The following DENND6A variants were observed in gnomAD, a reference collection of about 807,000 sequenced individuals.
DENND6A encodes protein DENND6A.
A neutral mutation model predicts 95.5 loss-of-function variants in DENND6A; 43 were observed. That is an observed-to-expected ratio of 0.45 (90% confidence interval 0.35 to 0.58). DENND6A has a LOEUF of 0.58. Among genes scored for constraint, DENND6A ranks in the 20% least tolerant of loss-of-function variants. DENND6A has a pLI of 0.00. For missense variants in DENND6A, 574 were observed against 736.0 expected, an observed-to-expected ratio of 0.78 and a Z score of 2.55; for synonymous variants, 257 against 260.4, an observed-to-expected ratio of 0.99 and a Z score of 0.13.
chr3:57,650,119 G>A (rs1333672408), intron 9 of DENND6A, among the ~76,000 whole-genome samples: 2 of 151,996 alleles, frequency 1.3e-5, no homozygotes, highest in Non-Finnish European at 2.9e-5. Context: ...ATGATACTAT[G>A]AACTTTGGGA....
At chr3:57,675,341 C>G (rs2071691698) in intron 1 of DENND6A, among the ~76,000 whole-genome samples, 1 of 152,184 alleles carries the variant, frequency 6.6e-6, no homozygotes, top group South Asian at 2.1e-4. Flanking sequence ...CTTACTGAGT[C>G]TTCTTTGGTA....
At chr3:57,672,363 A>G (rs1007020479) in intron 2 of DENND6A, 37 bp downstream of exon 2, 3 of 1,611,354 alleles carry the variant, frequency 1.9e-6, no homozygotes, top group South Asian at 2.2e-5. Flanking sequence ...AAACAGAAAT[A>G]TAACAGTAAA....
At chr3:57,684,698 G>A (rs571119065) in intron 1 of DENND6A, among the ~76,000 whole-genome samples, 168 of 152,260 alleles carry the variant, frequency 1.1e-3, no homozygotes, top group African/African-American at 3.4e-3. Flanking sequence ...TGAGAGAATT[G>A]CTTGAGCCTG....
chr3:57,628,725 G>T, intron 19 of DENND6A, 86 bp downstream of exon 19: 2 of 1,369,482 alleles, frequency 1.5e-6, no homozygotes, highest in Non-Finnish European at 2.0e-6. Context: ...TTACTTCTGC[G>T]AACTATCATG....
rs2153418086 is a variant in DENND6A, at chr3:57,693,045, C to T, written c.-27G>A. On this transcript the variant is annotated 5_prime_UTR_variant, in exon 1 of 20. Coordinates refer to ENST00000311128, the MANE Select transcript of DENND6A (RefSeq NM_152678.3). ...GGCCGCCCCCTGACCGTTCGCGCCGCCTCCACAGCGGACCGCGCCGCAGAG... is the reference window on the plus strand; with the variant it reads ...GGCCGCCCCCTGACCGTTCGCGCCGTCTCCACAGCGGACCGCGCCGCAGAG... 2 of 1,373,514 alleles carry T rather than the reference C, an allele frequency of 1.5e-6. No homozygotes were observed. The highest frequency in any genetic ancestry group is 1.5e-5 in the African/African-American group (1 of 65,516). The allele number at this position is 1,373,514 out of a possible 1,614,324, so 85.1% of individuals were successfully genotyped here.
intron 4 of DENND6A, 33 bp from the exon 5 acceptor site, chr3:57,663,749 G>A (rs190349620): frequency 8.4e-5 from 113 of 1,340,518 alleles, no homozygotes; most frequent in Non-Finnish European, 1.2e-4. Context: ...GTGTGTGTGG[G>A]GGGGTACATA....
At chr3:57,670,255 C>A (rs369194098) in intron 3 of DENND6A, among the ~76,000 whole-genome samples, 1 of 151,762 alleles carries the variant, frequency 6.6e-6, no homozygotes, top group South Asian at 2.1e-4. Context: ...AACAGATTAA[C>A]GAGAAAAGAT....
chr3:57,643,006 C>CA (rs35913249), intron 11 of DENND6A, among the ~76,000 whole-genome samples: 50,275 of 104,200 alleles, frequency 0.48, 10,145 homozygotes, highest in South Asian at 0.6. Context: ...GACTTCATCT[C>CA]AAAAAAAAAA....
intron 18 of DENND6A, among the ~76,000 whole-genome samples, chr3:57,629,284 C>T (rs1288109960): frequency 6.6e-6 from 1 of 152,114 alleles, no homozygotes. Flanking sequence ...TTCGTGTTTT[C>T]GGATATGCTC....
At chr3:57,638,574 C>T (rs1367107668) in intron 12 of DENND6A, among the ~76,000 whole-genome samples, 1 of 152,014 alleles carries the variant, frequency 6.6e-6, no homozygotes, top group Non-Finnish European at 1.5e-5. Context: ...AGGAGAATTG[C>T]TTGAACCCGG....
chr3:57,633,174 A>G (rs2070722846), intron 15 of DENND6A, 91 bp downstream of exon 15: 2 of 1,097,224 alleles, frequency 1.8e-6, no homozygotes, highest in Non-Finnish European at 2.7e-6. Context: ...CAAAACACAC[A>G]ACTTAAGATA....
intron 19 of DENND6A, among the ~76,000 whole-genome samples, 198 bp downstream of exon 19, chr3:57,628,613 C>T (rs537712884): frequency 1.8e-4 from 28 of 152,218 alleles, no homozygotes; most frequent in African/African-American, 6.7e-4. Context: ...ATATACATAA[C>T]GTTAGAATAA....
At chr3:57,645,184 C>T (rs1045530666) in intron 11 of DENND6A, among the ~76,000 whole-genome samples, 1 of 152,038 alleles carries the variant, frequency 6.6e-6, no homozygotes, top group Admixed American at 6.6e-5. Flanking sequence ...TCACGTGGGC[C>T]GGGTGTGGTG....
At chr3:57,657,852 C>T (rs2071357233) in intron 8 of DENND6A, 117 bp from the exon 9 acceptor site, 2 of 603,796 alleles carry the variant, frequency 3.3e-6, no homozygotes, top group Admixed American at 6.6e-5. Flanking sequence ...TTAAGATTCT[C>T]TTCCTTTAGG....
chr3:57,680,354 G>C (rs940580712), intron 1 of DENND6A, among the ~76,000 whole-genome samples: 1 of 152,228 alleles, frequency 6.6e-6, no homozygotes, highest in Non-Finnish European at 1.5e-5. Flanking sequence ...GGTGATAGCG[G>C]TATTAGGAGG....
At chr3:57,674,135 C>A (rs1362424739) in intron 1 of DENND6A, among the ~76,000 whole-genome samples, 1 of 151,840 alleles carries the variant, frequency 6.6e-6, no homozygotes, top group Non-Finnish European at 1.5e-5. Context: ...GTAATCCCAG[C>A]ACTTTGGGAG....
intron 19 of DENND6A, 139 bp downstream of exon 19, chr3:57,628,672 T>A: frequency 1.2e-6 from 1 of 834,592 alleles, no homozygotes. Context: ...TTCAGCAGTA[T>A]CTACCATCAA....
intron 14 of DENND6A, among the ~76,000 whole-genome samples, chr3:57,634,073 A>G (rs913342177): frequency 2.0e-5 from 3 of 152,158 alleles, no homozygotes; most frequent in African/African-American, 7.2e-5. Flanking sequence ...GTGTAGCTAC[A>G]GCCCCAAATT....
intron 5 of DENND6A, among the ~76,000 whole-genome samples, chr3:57,662,184 TC>T (rs2071434704): frequency 1.6e-5 from 2 of 121,612 alleles, no homozygotes; most frequent in Non-Finnish European, 1.7e-5. Flanking sequence ...TTTTCTTTTT[TC>T]TTTTTTTTTT....
Sources: allele counts gnomAD v4.1 joint callset (sites outside exome capture counted in the v4.1 genomes callset), GRCh38; gene constraint gnomAD v4.1.1; transcripts MANE v1.5; gene names NCBI Gene and HGNC (gene_info 2026-07-23, HGNC 2026-07-21).